Variants in RCOR1 observed in about 807,000 individuals in gnomAD.
RCOR1 encodes the protein REST corepressor.
In RCOR1, 12 loss-of-function variants were observed where a neutral mutation model predicts 64.0. That is an observed-to-expected ratio of 0.19 (90% CI 0.12 to 0.30). The LOEUF is 0.30. Ranked by LOEUF, RCOR1 falls within the 10% of genes least tolerant of loss-of-function variation. The pLI, the probability that RCOR1 is intolerant of heterozygous loss-of-function variation, is 1.00. For missense variants in RCOR1, 502 were observed against 621.2 expected, an observed-to-expected ratio of 0.81 and a Z score of 2.04; for synonymous variants, 279 against 227.2, an observed-to-expected ratio of 1.23 and a Z score of -2.05.
chr14:102,654,239 A>G (rs1482531762), intron 2 of RCOR1, among the ~76,000 whole-genome samples: 1 of 151,872 alleles, frequency 6.6e-6, no homozygotes, highest in East Asian at 1.9e-4. Flanking sequence ...TGCCCGCCTC[A>G]GCCTCCCAAA....
intron 3 of RCOR1, among the ~76,000 whole-genome samples, chr14:102,692,440 A>AACACACAC (rs10622844): frequency 0.026 from 3,817 of 146,278 alleles, 49 homozygotes; most frequent in African/African-American, 0.034. Context: ...GGAAAAAGTT[A>AACACACAC]ACACACACAC....
rs1448529554 is a variant in RCOR1, at chr14:102,730,312, G to A, written c.*3806G>A. 2 of 285,502 alleles carry A rather than the reference G, an allele frequency of 7.0e-6. No individual in the cohort carries two copies. The highest frequency in any genetic ancestry group is 2.2e-5 in the African/African-American group (1 of 46,254). The allele number at this position is 285,502 out of a possible 1,614,324, so 17.7% of individuals were successfully genotyped here. On this transcript the variant is annotated 3_prime_UTR_variant, in exon 12 of 12. Coordinates refer to ENST00000262241, the MANE Select transcript of RCOR1 (RefSeq NM_015156.4). ...CTTTTGAAGTGATGAAATCCACGTT[G>A]GAATTTTAAAGAAAATATGTTGTAA...
intron 2 of RCOR1, among the ~76,000 whole-genome samples, chr14:102,665,762 A>G (rs1894906340): frequency 6.6e-6 from 1 of 152,178 alleles, no homozygotes; most frequent in South Asian, 2.1e-4. Context: ...TCCTCTTTTC[A>G]AATGTGGACT....
At position 102,644,817 on chromosome 14, in the gene RCOR1, C is replaced by T. The variant is rs530571098; in HGVS notation, c.362-37078C>T. On this transcript the variant is annotated intron_variant, in intron 2 of 11. Coordinates refer to ENST00000262241, the MANE Select transcript of RCOR1 (RefSeq NM_015156.4). ...CCATTCTGAAATTCAGCAGGGCACA[C>T]GTTACCAATTCCTTGATTTGGTCTC... 1.8e-4 allele frequency among the ~76,000 whole-genome samples: 28 copies of T among 152,354 alleles called. No homozygotes were observed. The South Asian group carries it at 4.1e-3, about 23-fold the overall frequency.
intron 2 of RCOR1, among the ~76,000 whole-genome samples, chr14:102,673,536 T>A (rs545466315): frequency 6.6e-6 from 1 of 151,778 alleles, no homozygotes; most frequent in Non-Finnish European, 1.5e-5. Context: ...GGGGTTTCAC[T>A]GTGTTAGCCA....
At chr14:102,605,155 C>T (rs915592075) in intron 2 of RCOR1, among the ~76,000 whole-genome samples, 2 of 151,842 alleles carry the variant, frequency 1.3e-5, no homozygotes, top group African/African-American at 4.8e-5. Context: ...TCCATGTGGC[C>T]CCAGGTGTTG....
At chr14:102,677,419 A>G (rs543349508) in intron 2 of RCOR1, among the ~76,000 whole-genome samples, 1 of 121,104 alleles carries the variant, frequency 8.3e-6, no homozygotes, top group African/African-American at 3.4e-5. Context: ...TGGCTGCCGG[A>G]CGGAGGGGCT....
rs548143034 is a variant in RCOR1 at position 102,594,296 on chromosome 14, C to T, written c.361+971C>T. Among the ~76,000 whole-genome samples the T allele has an allele frequency of 2.6e-5, 4 of 152,286 alleles. No homozygotes were observed. The East Asian group carries it at 7.7e-4, about 29-fold the overall frequency. The stretch of plus-strand genomic sequence containing the variant: ...TGTAAAGCTGGAGTTAACAATCCTC[C>T]ATGGTTGGAGGGCTTTAGAGCTGGG... On this transcript the variant is annotated intron_variant, in intron 2 of 11. Coordinates refer to ENST00000262241, the MANE Select transcript of RCOR1 (RefSeq NM_015156.4).
At chr14:102,713,384 G>A (rs1026876125) in intron 7 of RCOR1, among the ~76,000 whole-genome samples, 74 of 149,488 alleles carry the variant, frequency 5.0e-4, no homozygotes, top group African/African-American at 1.8e-3. Flanking sequence ...TCAGCCTCCC[G>A]CCATTCTCCT....
intron 10 of RCOR1, 57 bp from the exon 11 acceptor site, chr14:102,722,130 G>C: frequency 7.7e-7 from 1 of 1,301,564 alleles, no homozygotes; most frequent in Non-Finnish European, 1.1e-6. Context: ...TGTCACTTGT[G>C]GTTTTAAAAA....
chr14:102,638,193 T>G (rs984808002), intron 2 of RCOR1, among the ~76,000 whole-genome samples: 3 of 152,204 alleles, frequency 2.0e-5, no homozygotes, highest in African/African-American at 7.2e-5. Flanking sequence ...CATTATCAAC[T>G]CAGGTGCAGA....
intron 2 of RCOR1, among the ~76,000 whole-genome samples, chr14:102,645,162 C>T (rs1242370158): frequency 6.6e-6 from 1 of 152,144 alleles, no homozygotes; most frequent in African/African-American, 2.4e-5. Context: ...CCTTGGGCTC[C>T]TTGTGTGTCA....
intron 2 of RCOR1, among the ~76,000 whole-genome samples, chr14:102,676,818 C>T (rs1895175613): frequency 1.1e-5 from 1 of 91,546 alleles, no homozygotes; most frequent in African/African-American, 5.4e-5. Flanking sequence ...GCAGAGGCGC[C>T]CCTCACCTCC....
chr14:102,701,216 G>A, intron 3 of RCOR1, 62 bp from the exon 4 acceptor site: 7 of 1,326,554 alleles, frequency 5.3e-6, no homozygotes, highest in Non-Finnish European at 7.6e-6. Context: ...ATCAATTCTA[G>A]CAGACCATAG....
intron 3 of RCOR1, among the ~76,000 whole-genome samples, chr14:102,696,870 G>T (rs1288527210): frequency 2.0e-5 from 2 of 99,706 alleles, no homozygotes. Flanking sequence ...TTCTTGGGTT[G>T]AAAGCTTTTT....
chr14:102,673,090 A>G (rs1895061509), intron 2 of RCOR1, among the ~76,000 whole-genome samples: 1 of 152,206 alleles, frequency 6.6e-6, no homozygotes, highest in Non-Finnish European at 1.5e-5. Flanking sequence ...ACAAAGCAAG[A>G]TCTTCCTCTC....
intron 2 of RCOR1, among the ~76,000 whole-genome samples, chr14:102,605,774 A>G (rs1187722114): frequency 1.3e-5 from 2 of 152,152 alleles, no homozygotes; most frequent in Non-Finnish European, 2.9e-5. Flanking sequence ...GGTATTCCAG[A>G]AGGAAGGCAT....
At chr14:102,662,962 T>C (rs1227743886) in intron 2 of RCOR1, among the ~76,000 whole-genome samples, 2 of 152,148 alleles carry the variant, frequency 1.3e-5, no homozygotes, top group Non-Finnish European at 1.5e-5. Flanking sequence ...AGTACACTTA[T>C]GGTATGGTTT....
chr14:102,663,822 G>A (rs1047318219), intron 2 of RCOR1, among the ~76,000 whole-genome samples: 2 of 152,162 alleles, frequency 1.3e-5, no homozygotes, highest in African/African-American at 4.8e-5. Context: ...AAATTACATT[G>A]GTGGTAAATG....
Sources: gnomAD v4.1 joint callset for allele counts (sites outside exome capture counted in the v4.1 genomes callset) on GRCh38, gnomAD v4.1.1 for gene constraint, MANE v1.5 for transcripts, NCBI Gene and HGNC (gene_info 2026-07-23, HGNC 2026-07-21) for gene names.